Variants in C9orf85 observed in about 807,000 individuals in gnomAD.
The protein encoded by C9orf85 is chromosome 9 open reading frame 85, also known as uncharacterized protein C9orf85.
In C9orf85, 16 loss-of-function variants were observed where a neutral mutation model predicts 14.9. The ratio of observed to expected loss-of-function variants is 1.08; its 90% CI spans 0.73 to 1.63. The LOEUF is 1.63. Among genes scored for constraint, C9orf85 ranks in the 40% most tolerant of loss-of-function variants. The pLI is 0.00. For missense variants in C9orf85, 172 were observed against 186.1 expected, an observed-to-expected ratio of 0.92 and a Z score of 0.44; for synonymous variants, 45 against 56.8, an observed-to-expected ratio of 0.79 and a Z score of 0.93.
At chr9:71,931,196 G>A (rs1828063289) in intron 1 of C9orf85, among the ~76,000 whole-genome samples, 1 of 152,132 alleles carries the variant, frequency 6.6e-6, no homozygotes, top group African/African-American at 2.4e-5. Context: ...ATTACATCTG[G>A]GGGTGATGCC....
chr9:71,927,109 G>C (rs1827948053), intron 1 of C9orf85, among the ~76,000 whole-genome samples: 1 of 151,984 alleles, frequency 6.6e-6, no homozygotes, highest in African/African-American at 2.4e-5. Context: ...CAAAGCAACT[G>C]TAAGTAGGCA....
downstream of C9orf85, among the ~76,000 whole-genome samples, chr9:71,975,255 C>G (rs7853630): frequency 0.027 from 4,076 of 151,944 alleles, 193 homozygotes; most frequent in African/African-American, 0.093. Flanking sequence ...TTGAGACCAA[C>G]CTGCCCAACA....
intron 1 of C9orf85, among the ~76,000 whole-genome samples, chr9:71,938,425 G>A (rs565098359): frequency 6.6e-6 from 1 of 152,006 alleles, no homozygotes; most frequent in East Asian, 1.9e-4. Context: ...ATATAAGTCA[G>A]TTGAGTTGAG....
At chr9:71,922,901 G>A (rs968736590) in intron 1 of C9orf85, among the ~76,000 whole-genome samples, 2 of 152,144 alleles carry the variant, frequency 1.3e-5, no homozygotes, top group Admixed American at 1.3e-4. Flanking sequence ...AGGCTGAGGC[G>A]GGCAGATTAC....
At chr9:71,920,405 G>C (rs1041816951) in intron 1 of C9orf85, among the ~76,000 whole-genome samples, 4 of 152,180 alleles carry the variant, frequency 2.6e-5, no homozygotes, top group African/African-American at 9.7e-5. Flanking sequence ...CTTAGAAACA[G>C]ACTATTCTGC....
intron 1 of C9orf85, among the ~76,000 whole-genome samples, chr9:71,928,551 C>T (rs1158426670): frequency 1.3e-5 from 2 of 152,132 alleles, no homozygotes; most frequent in African/African-American, 2.4e-5. Context: ...ACCTGTGACA[C>T]ATTTTATAGT....
chr9:71,984,104 A>G (rs1823159265), downstream of C9orf85: 1 of 152,170 alleles, frequency 6.6e-6, no homozygotes, highest in Admixed American at 6.5e-5. Flanking sequence ...TGATGTAACC[A>G]CTGTAGTTGC....
intron 2 of C9orf85, among the ~76,000 whole-genome samples, chr9:71,961,198 C>T (rs943537161): frequency 2.0e-5 from 3 of 152,048 alleles, no homozygotes; most frequent in Non-Finnish European, 4.4e-5. Flanking sequence ...CAGGTGTAAG[C>T]CACCACGCCT....
intron 1 of C9orf85, among the ~76,000 whole-genome samples, chr9:71,921,937 A>G (rs1480661994): frequency 7.1e-6 from 1 of 141,022 alleles, no homozygotes; most frequent in Non-Finnish European, 1.5e-5. Flanking sequence ...TTTTATTATT[A>G]TTATTATTAT....
Position 71,972,931 on chromosome 9 carries a change from G to C in C9orf85, c.*89G>C. On this transcript the variant is annotated 3_prime_UTR_variant, in exon 4 of 4. Coordinates refer to ENST00000334731, the MANE Select transcript of C9orf85 (RefSeq NM_182505.5). ...GGCCAAGGAGGGTGGATCACCTGAGGTCAGGAGTTCGAGACCAGCCTGGCC... is the reference window on the plus strand; with the variant it reads ...GGCCAAGGAGGGTGGATCACCTGAGCTCAGGAGTTCGAGACCAGCCTGGCC... 9.0e-7 allele frequency: 1 copy of C among 1,109,342 alleles called. No individual in the cohort carries two copies. Among genetic ancestry groups the C allele is most frequent in the Admixed American group, 2.7e-5 (1 of 37,422 alleles). 68.7% of individuals were successfully genotyped at this position (1,109,342 alleles called of 1,614,324 possible).
chr9:71,934,934 G>A (rs918771730), intron 1 of C9orf85, among the ~76,000 whole-genome samples: 2 of 152,008 alleles, frequency 1.3e-5, no homozygotes, highest in Non-Finnish European at 2.9e-5. Flanking sequence ...AAAAGAAACA[G>A]CCCAATTCAA....
chr9:71,923,304 G>A (rs544802734), intron 1 of C9orf85, among the ~76,000 whole-genome samples: 2 of 151,958 alleles, frequency 1.3e-5, no homozygotes, highest in Non-Finnish European at 2.9e-5. Flanking sequence ...GTCTCTCCCT[G>A]TTGCCAGACT....
intron 1 of C9orf85, among the ~76,000 whole-genome samples, chr9:71,914,600 A>G (rs969660025): frequency 6.6e-6 from 1 of 152,198 alleles, no homozygotes; most frequent in Non-Finnish European, 1.5e-5. Context: ...TTGGAAGTTA[A>G]TATAGGTAAA....
chr9:71,936,340 AG>A (rs1180148597), intron 1 of C9orf85, among the ~76,000 whole-genome samples: 1 of 152,206 alleles, frequency 6.6e-6, no homozygotes, highest in Non-Finnish European at 1.5e-5. Context: ...TAGTGTCAAA[AG>A]AAGGGACTGA....
chr9:71,978,833 A>G (rs1047689328), intron 3 of C9orf85, among the ~76,000 whole-genome samples: 2 of 152,236 alleles, frequency 1.3e-5, no homozygotes, highest in African/African-American at 4.8e-5. Context: ...CAAGAGATCT[A>G]GACCTTCCTG....
At chr9:71,966,725 A>G (rs1822702146) in intron 2 of C9orf85, among the ~76,000 whole-genome samples, 1 of 152,210 alleles carries the variant, frequency 6.6e-6, no homozygotes, top group Non-Finnish European at 1.5e-5. Flanking sequence ...TATTGTGGAA[A>G]GACAGTTATG....
chr9:71,921,399 T>C (rs1042855411), intron 1 of C9orf85, among the ~76,000 whole-genome samples: 1 of 152,238 alleles, frequency 6.6e-6, no homozygotes, highest in African/African-American at 2.4e-5. Flanking sequence ...TATGCTGTAT[T>C]CAATTGTTCA....
At chr9:71,932,395 C>T (rs1258599538) in intron 1 of C9orf85, among the ~76,000 whole-genome samples, 3 of 152,168 alleles carry the variant, frequency 2.0e-5, no homozygotes, top group African/African-American at 7.2e-5. Context: ...ACAACAGAAA[C>T]TCCTGAGTTA....
intron 1 of C9orf85, chr9:71,941,728 G>A (rs1260089765): frequency 6.6e-6 from 1 of 152,170 alleles, no homozygotes; most frequent in Non-Finnish European, 1.5e-5. Context: ...TCTGAAAGCT[G>A]TCTTGGAGAA....
Sources: allele counts gnomAD v4.1 joint callset (sites outside exome capture counted in the v4.1 genomes callset), GRCh38; gene constraint gnomAD v4.1.1; transcripts MANE v1.5; gene names NCBI Gene and HGNC (gene_info 2026-07-23, HGNC 2026-07-21).